The following NFX1 variants were observed in gnomAD, a reference collection of about 807,000 sequenced individuals.
NFX1 encodes the protein nuclear transcription factor, X-box binding 1, also known as transcriptional repressor NF-X1.
A neutral mutation model predicts 137.2 loss-of-function variants in NFX1; 69 were observed. The observed-to-expected ratio is 0.50, with a 90% CI of 0.41 to 0.61. The LOEUF is 0.61. Among genes scored for constraint, NFX1 ranks in the 20% least tolerant of loss-of-function variants. The pLI is 0.00. For synonymous variants in NFX1, 495 were observed against 474.1 expected, an observed-to-expected ratio of 1.04 and a Z score of -0.57; for missense variants, 1,167 against 1,391.0, an observed-to-expected ratio of 0.84 and a Z score of 2.56.
chr9:33,317,075 A>G (rs1822188569), intron 7 of NFX1, among the ~76,000 whole-genome samples: 1 of 152,128 alleles, frequency 6.6e-6, no homozygotes, highest in African/African-American at 2.4e-5. Context: ...TTATTAATTT[A>G]TCAAATCAGT....
chr9:33,310,733 A>G (rs1821932812), intron 5 of NFX1, among the ~76,000 whole-genome samples: 1 of 152,198 alleles, frequency 6.6e-6, no homozygotes, highest in Non-Finnish European at 1.5e-5. Flanking sequence ...CTGATCTTCT[A>G]CAGGACCCTA....
chr9:33,302,956 C>T (rs1821626512), intron 3 of NFX1, among the ~76,000 whole-genome samples: 1 of 150,158 alleles, frequency 6.7e-6, no homozygotes, highest in African/African-American at 2.5e-5. Context: ...GCATGAGCCA[C>T]CACACCTGGC....
intron 19 of NFX1, among the ~76,000 whole-genome samples, chr9:33,357,799 C>A (rs948516447): frequency 1.3e-5 from 2 of 151,694 alleles, no homozygotes; most frequent in South Asian, 4.2e-4. Context: ...CCTGCCTTGG[C>A]CCCACAAAGT....
At chr9:33,307,408 T>C (rs1587825460) in intron 5 of NFX1, 109 bp downstream of exon 5, 2 of 883,892 alleles carry the variant, frequency 2.3e-6, no homozygotes, top group South Asian at 1.5e-5. Flanking sequence ...AAGGGTGATA[T>C]GGGACCTCAG....
chr9:33,301,824 C>T (rs766853213), intron 3 of NFX1, among the ~76,000 whole-genome samples: 18 of 152,160 alleles, frequency 1.2e-4, no homozygotes, highest in Non-Finnish European at 2.4e-4. Context: ...GTAATCCCAG[C>T]GCTTTGGGAG....
intron 5 of NFX1, among the ~76,000 whole-genome samples, chr9:33,309,022 A>G (rs141377966): frequency 6.8e-4 from 103 of 152,250 alleles, no homozygotes; most frequent in African/African-American, 2.2e-3. Flanking sequence ...GAGTTAAGCT[A>G]TTCTTGCCAT....
intron 19 of NFX1, among the ~76,000 whole-genome samples, chr9:33,357,250 C>T (rs535006864): frequency 6.6e-6 from 1 of 151,944 alleles, no homozygotes; most frequent in South Asian, 2.1e-4. Context: ...TGCAGTGAGC[C>T]GAGATGGTGC....
chr9:33,335,380 A>G (rs1045601818), intron 11 of NFX1, among the ~76,000 whole-genome samples: 1 of 150,650 alleles, frequency 6.6e-6, no homozygotes, highest in Non-Finnish European at 1.5e-5. Context: ...ACAGGCACCC[A>G]CCACCATGCC....
intron 23 of NFX1, among the ~76,000 whole-genome samples, chr9:33,369,179 C>T (rs1253331838): frequency 6.6e-6 from 1 of 152,134 alleles, no homozygotes; most frequent in African/African-American, 2.4e-5. Flanking sequence ...CATTCTCCTG[C>T]CTCAGCCTCC....
In NFX1 at chr9:33,313,801, G is replaced by A; in HGVS notation, c.1588+8G>A. ...AGATCATTTTGAACCAGGGTAAGTG[G>A]TGGGCACACCAGCTAGCAATGCTTG... On this transcript the variant is annotated splice_region_variant and intron_variant, in intron 7 of 23. Coordinates refer to ENST00000379540, the MANE Select transcript of NFX1 (RefSeq NM_002504.6). The A allele has an allele frequency of 2.5e-6, 4 of 1,611,448 alleles. No individual in the cohort carries two copies. The highest frequency in any genetic ancestry group is 3.4e-6 in the Non-Finnish European group (4 of 1,178,054).
At position 33,370,116 on chromosome 9, in the gene NFX1, C is replaced by T. The variant is rs1280775800; in HGVS notation, c.*138C>T. On this transcript the variant is annotated 3_prime_UTR_variant, in exon 24 of 24. Coordinates refer to ENST00000379540, the MANE Select transcript of NFX1 (RefSeq NM_002504.6). The stretch of plus-strand genomic sequence containing the variant: ...CTGTCTTGTACTGACACATCCAAAG[C>T]ATGAGTGTGTCAGAAATCCCTTGTC... 3.2e-6 allele frequency: 2 copies of T among 630,468 alleles called. No individual in the cohort carries two copies. The highest frequency in any genetic ancestry group is 1.9e-5 in the African/African-American group (1 of 53,836). 39.1% of individuals were successfully genotyped at this position (630,468 alleles called of 1,614,324 possible). A position where few individuals can be genotyped will look rare whatever the true frequency, so the allele number is the denominator to read the frequency against.
chr9:33,351,877 A>G (rs1823651154), intron 16 of NFX1, 87 bp downstream of exon 16: 5 of 1,120,970 alleles, frequency 4.5e-6, no homozygotes, highest in Non-Finnish European at 4.9e-6. Context: ...GCCCCTGGGC[A>G]TGCATCTTAA....
intron 6 of NFX1, 146 bp downstream of exon 6, chr9:33,311,323 A>T: frequency 1.3e-6 from 1 of 779,292 alleles, no homozygotes; most frequent in Non-Finnish European, 2.1e-6. Context: ...GTGAAAGTTT[A>T]TTAAAAAGCT....
chr9:33,352,121 A>T (rs1166602514), intron 16 of NFX1, among the ~76,000 whole-genome samples: 1 of 152,236 alleles, frequency 6.6e-6, no homozygotes, highest in Non-Finnish European at 1.5e-5. Flanking sequence ...GGTGCTAGGG[A>T]TAAATTAGTG....
chr9:33,311,099 C>G lies in NFX1; in HGVS notation c.1377-7C>G. The G allele has an allele frequency of 6.2e-7, 1 of 1,614,052 alleles. No individual in the cohort carries two copies. Among genetic ancestry groups the G allele is most frequent in the Non-Finnish European group, 8.5e-7 (1 of 1,179,938 alleles). On this transcript the variant is annotated splice_polypyrimidine_tract_variant and splice_region_variant and intron_variant, in intron 5 of 23. Transcript: ENST00000379540. The stretch of plus-strand genomic sequence containing the variant: ...GTGGTTTATTCAGTGAAACCTTTCT[C>G]TTTCAGTCTCTGCCATCCAGGACCC...
chr9:33,342,006 C>T (rs1823240354), intron 12 of NFX1, among the ~76,000 whole-genome samples: 1 of 151,830 alleles, frequency 6.6e-6, no homozygotes, highest in Non-Finnish European at 1.5e-5. Context: ...ATCCCAGCTA[C>T]TCAGGAGGCT....
At chr9:33,340,743 C>T (rs1823191380) in intron 12 of NFX1, among the ~76,000 whole-genome samples, 1 of 152,200 alleles carries the variant, frequency 6.6e-6, no homozygotes, top group African/African-American at 2.4e-5. Context: ...ATTTCTTCCA[C>T]CAGATACCCT....
chr9:33,355,641 CTTTTTTTTT>C, intron 19 of NFX1, among the ~76,000 whole-genome samples: 1 of 92,192 alleles, frequency 1.1e-5, no homozygotes, highest in South Asian at 3.5e-4. Context: ...GTTAAGAATT[CTTTTTTTTT>C]TTTTTTTTTT....
chr9:33,350,154 A>G (rs1823583786), intron 15 of NFX1, among the ~76,000 whole-genome samples: 1 of 152,014 alleles, frequency 6.6e-6, no homozygotes, highest in Non-Finnish European at 1.5e-5. Flanking sequence ...AAATACAAAA[A>G]TTAGCTGGGC....
Sources: gnomAD v4.1 joint callset for allele counts (sites outside exome capture counted in the v4.1 genomes callset) on GRCh38, gnomAD v4.1.1 for gene constraint, MANE v1.5 for transcripts, NCBI Gene and HGNC (gene_info 2026-07-23, HGNC 2026-07-21) for gene names.